Variants in PCDHGA8 observed in about 807,000 individuals in gnomAD.
The protein encoded by PCDHGA8 is protocadherin gamma subfamily A, 8, also known as protocadherin gamma-A8.
Under a neutral mutation model 59.2 loss-of-function variants are expected in PCDHGA8, and 45 were observed. The ratio of observed to expected loss-of-function variants is 0.76; its 90% CI spans 0.60 to 0.98. PCDHGA8 has a LOEUF of 0.98. Ranked by LOEUF, PCDHGA8 falls within the 50% of genes least tolerant of loss-of-function variation. The pLI is 0.00. For synonymous variants in PCDHGA8, 531 were observed against 519.0 expected, an observed-to-expected ratio of 1.02 and a Z score of -0.32; for missense variants, 1,257 against 1,196.2, an observed-to-expected ratio of 1.05 and a Z score of -0.75.
At chr5:141,468,755 A>G (rs918829539) in intron 1 of PCDHGA8, among the ~76,000 whole-genome samples, 3 of 151,976 alleles carry the variant, frequency 2.0e-5, no homozygotes, top group African/African-American at 7.2e-5. Flanking sequence ...AGTCCCAGCT[A>G]CTCGGGAGGC....
At position 141,431,590 on chromosome 5, in the gene PCDHGA8, G is replaced by A; in HGVS notation, c.2424+36353G>A. On this transcript the variant is annotated intron_variant, in intron 1 of 3. Transcript: ENST00000398604. The surrounding 1 kb of genome is among the most constrained non-coding windows in gnomAD (Gnocchi z 4.8). ...CTGACGAAGGAGTCAATGCGGAAGT[G>A]AGGTATTCCTTCCGGTATGTGGACG... 1.2e-6 allele frequency: 2 copies of A among 1,614,240 alleles called. No homozygotes were observed. Among genetic ancestry groups the A allele is most frequent in the South Asian group, 1.1e-5 (1 of 91,090 alleles).
intron 1 of PCDHGA8, chr5:141,418,983 A>T: frequency 6.2e-7 from 1 of 1,613,900 alleles, no homozygotes; most frequent in Admixed American, 1.7e-5. Context: ...CGGGACCAAG[A>T]CTCAGGGGAA....
rs758417744 is a variant in PCDHGA8, at chr5:141,430,916, G to A, written c.2424+35679G>A. On this transcript the variant is annotated intron_variant, in intron 1 of 3. Coordinates refer to ENST00000398604, the MANE Select transcript of PCDHGA8 (RefSeq NM_032088.2). ...GGTGGGCGACATCTCCAGGGACCTG[G>A]GGCTGGAGCCCCGGGAGCTCGCGGA... The A allele has an allele frequency of 1.9e-6, 3 of 1,607,878 alleles. No individual in the cohort carries two copies. The East Asian group carries it at 6.7e-5, about 36-fold the overall frequency.
chr5:141,496,144 T>C (rs1478887814), intron 2 of PCDHGA8, among the ~76,000 whole-genome samples: 1 of 151,780 alleles, frequency 6.6e-6, no homozygotes, highest in Non-Finnish European at 1.5e-5. Context: ...GAGCCTTTGA[T>C]CGCAGCTCTC....
At chr5:141,423,237 C>A in intron 1 of PCDHGA8, 1 of 1,613,916 alleles carries the variant, frequency 6.2e-7, no homozygotes, top group Non-Finnish European at 8.5e-7. Context: ...ACAGCATCCC[C>A]GAAGTCCTGG....
chr5:141,492,106 C>T (rs1265796740), intron 1 of PCDHGA8, among the ~76,000 whole-genome samples: 2 of 152,238 alleles, frequency 1.3e-5, no homozygotes, highest in South Asian at 2.1e-4. Flanking sequence ...TGTAGATTTC[C>T]TCTTCGATTT....
intron 1 of PCDHGA8, among the ~76,000 whole-genome samples, chr5:141,402,461 C>A (rs892900332): frequency 1.3e-5 from 2 of 151,994 alleles, no homozygotes; most frequent in East Asian, 3.8e-4. Context: ...GTTTACATAT[C>A]TAGAAATAGA....
In PCDHGA8 at chr5:141,432,733, C is replaced by T; in HGVS notation, c.2424+37496C>T. 1 of 1,614,094 alleles carries T rather than the reference C, an allele frequency of 6.2e-7. No individual in the cohort carries two copies. Among genetic ancestry groups the T allele is most frequent in the Middle Eastern group, 1.6e-4 (1 of 6,062 alleles). ...GCCAGCCCCCTCTCTCCGCCACTGTCACGCTCACCGTGGCCGTGGCCGACA... is the reference window on the plus strand; with the variant it reads ...GCCAGCCCCCTCTCTCCGCCACTGTTACGCTCACCGTGGCCGTGGCCGACA... On this transcript the variant is annotated intron_variant, in intron 1 of 3. Coordinates refer to ENST00000398604, the MANE Select transcript of PCDHGA8 (RefSeq NM_032088.2). The surrounding 1 kb of genome is among the most constrained non-coding windows in gnomAD (Gnocchi z 6.0).
At chr5:141,467,987 A>G (rs888811899) in intron 1 of PCDHGA8, among the ~76,000 whole-genome samples, 10 of 152,216 alleles carry the variant, frequency 6.6e-5, no homozygotes, top group Non-Finnish European at 8.8e-5. Flanking sequence ...TCAGAAAACC[A>G]CAATTCTTTC....
At chr5:141,502,363 T>C (rs1216939790) in intron 2 of PCDHGA8, among the ~76,000 whole-genome samples, 2 of 152,100 alleles carry the variant, frequency 1.3e-5, no homozygotes, top group African/African-American at 4.8e-5. Context: ...ATGGATATTT[T>C]TAAAGAGTCC....
rs369886570 is a variant in PCDHGA8 at position 141,487,839 on chromosome 5, G to A, written c.2425-6968G>A. ...GGGGGCGGGTCATGCCTATATCTGAGTAAGAAATGAAAGTAATTGGTGATC... is the reference window on the plus strand; with the variant it reads ...GGGGGCGGGTCATGCCTATATCTGAATAAGAAATGAAAGTAATTGGTGATC... On this transcript the variant is annotated intron_variant, in intron 1 of 3. Transcript: ENST00000398604. The surrounding 1 kb of genome is among the most constrained non-coding windows in gnomAD (Gnocchi z 5.0). The A allele has an allele frequency of 2.7e-6, 3 of 1,103,412 alleles. No homozygotes were observed. Among genetic ancestry groups the A allele is most frequent in the African/African-American group, 1.6e-5 (1 of 63,054 alleles). The allele number at this position is 1,103,412 out of a possible 1,614,324, so 68.4% of individuals were successfully genotyped here.
At chr5:141,439,796 G>C (rs980000701) in intron 1 of PCDHGA8, 4 of 152,318 alleles carry the variant, frequency 2.6e-5, no homozygotes, top group African/African-American at 9.6e-5. Flanking sequence ...AATCCAAGAA[G>C]AGTTTGAAAA....
Position 141,432,377 on chromosome 5 carries a change from C to T in PCDHGA8, c.2424+37140C>T. 3.7e-6 allele frequency: 6 copies of T among 1,614,240 alleles called. No homozygotes were observed. Among genetic ancestry groups the T allele is most frequent in the Non-Finnish European group, 5.1e-6 (6 of 1,180,046 alleles). On this transcript the variant is annotated intron_variant, in intron 1 of 3. Transcript: ENST00000398604. This position sits in a 1 kb window ranked among gnomAD's most constrained non-coding sequence, Gnocchi z 6.0. ...AGTGATGGCGCGGGACAACGGGCAC[C>T]CGCCCCTCAGCAGCAACGTGTCGTT...
At chr5:141,397,961 G>A in intron 1 of PCDHGA8, 1 of 1,038,400 alleles carries the variant, frequency 9.6e-7, no homozygotes, top group Non-Finnish European at 1.4e-6. Context: ...CCCCAGCTCA[G>A]ACTCCCCAGC....
chr5:141,505,190 G>A (rs1326515866), intron 2 of PCDHGA8, among the ~76,000 whole-genome samples: 1 of 152,186 alleles, frequency 6.6e-6, no homozygotes, highest in East Asian at 1.9e-4. Flanking sequence ...ATCGGAGGCA[G>A]CAAAGAGCTG....
intron 1 of PCDHGA8, chr5:141,430,753 G>C (rs1175014357): frequency 6.6e-7 from 1 of 1,504,258 alleles, no homozygotes. Context: ...TCTGGAGGAA[G>C]ATAAGAATGA....
chr5:141,490,151 T>C lies in PCDHGA8; in HGVS notation c.2425-4656T>C, dbSNP rs1449636059. The stretch of plus-strand genomic sequence containing the variant: ...GACCCTAGCAGTGGGGCAATCCATG[T>C]GTTGGGTCCCATAGACTTTGAGGAG... On this transcript the variant is annotated intron_variant, in intron 1 of 3. Transcript: ENST00000398604. The surrounding 1 kb of genome is among the most constrained non-coding windows in gnomAD (Gnocchi z 5.4). 4 of 1,614,210 alleles carry C rather than the reference T, an allele frequency of 2.5e-6. No homozygotes were observed. The highest frequency in any genetic ancestry group is 3.4e-6 in the Non-Finnish European group (4 of 1,180,018).
chr5:141,438,621 TATATATATATATATACACACAC>T (rs2098027070), intron 1 of PCDHGA8, among the ~76,000 whole-genome samples: 1 of 41,368 alleles, frequency 2.4e-5, no homozygotes, highest in Non-Finnish European at 4.0e-5. Flanking sequence ...TATATATATA[TATATATATATATATACACACAC>T]ACACACACAT....
intron 1 of PCDHGA8, chr5:141,408,367 G>T: frequency 6.2e-7 from 1 of 1,613,998 alleles, no homozygotes; most frequent in Non-Finnish European, 8.5e-7. Context: ...AGGATCTAGG[G>T]CTCAGTGTCC....
Sources: allele counts gnomAD v4.1 joint callset (sites outside exome capture counted in the v4.1 genomes callset), GRCh38; gene constraint gnomAD v4.1.1; non-coding constraint Gnocchi (gnomAD v3.1); transcripts MANE v1.5; gene names NCBI Gene and HGNC (gene_info 2026-07-23, HGNC 2026-07-21).